GRK7: variants seen among roughly 807,000 people sequenced by gnomAD.
GRK7 encodes rhodopsin kinase GRK7.
Under a neutral mutation model 34.1 loss-of-function variants are expected in GRK7, and 24 were observed. The observed-to-expected ratio is 0.70, with a 90% CI of 0.51 to 0.99. The LOEUF (loss-of-function observed/expected upper bound fraction) is 0.99, where lower values mean the gene tolerates loss of function less well. Among genes scored for constraint, GRK7 ranks in the 50% least tolerant of loss-of-function variants. The pLI, the probability that GRK7 is intolerant of heterozygous loss-of-function variation, is 0.00. For synonymous variants in GRK7, 256 were observed against 279.4 expected (o/e 0.92, Z 0.84); for missense variants, 644 against 707.3 (o/e 0.91, Z 1.02).
At chr3:141,804,781 T>G (rs1381130727) in intron 4 of GRK7, among the ~76,000 whole-genome samples, 1 of 146,132 alleles carries the variant, frequency 6.8e-6, no homozygotes, top group Non-Finnish European at 1.5e-5. Context: ...ACACACATGC[T>G]CACATACACG....
intron 2 of GRK7, among the ~76,000 whole-genome samples, chr3:141,774,933 C>T (rs2084632498): frequency 6.6e-6 from 1 of 152,034 alleles, no homozygotes; most frequent in Non-Finnish European, 1.5e-5. Flanking sequence ...GCTGGGGCTA[C>T]AGGAGTCCGC....
At chr3:141,753,931 T>C in the GRK7 span, among the ~76,000 whole-genome samples, 13 of 152,226 alleles carry the variant, frequency 8.5e-5, no homozygotes, top group Non-Finnish European at 2.9e-5. Context: ...GTGGTGAAAG[T>C]GTTAAGCCCT....
chr3:141,760,252 A>C (rs2107867423), upstream of GRK7, among the ~76,000 whole-genome samples: 2 of 119,704 alleles, frequency 1.7e-5, 1 homozygote, highest in Non-Finnish European at 3.5e-5. Flanking sequence ...GTGGGCATTT[A>C]GTGCTATAAA....
intron 4 of GRK7, among the ~76,000 whole-genome samples, chr3:141,793,777 T>C (rs1360472443): frequency 6.6e-6 from 1 of 152,256 alleles, no homozygotes; most frequent in Non-Finnish European, 1.5e-5. Flanking sequence ...CAGGCATGGC[T>C]GCATAAATTT....
At chr3:141,763,018 C>T (rs2084563824), upstream of GRK7, among the ~76,000 whole-genome samples, 1 of 152,354 alleles carries the variant, frequency 6.6e-6, no homozygotes, top group South Asian at 2.1e-4. Flanking sequence ...TGGCCTGCGC[C>T]CACTGTCTGG....
chr3:141,773,474 A>G (rs1209594462), intron 1 of GRK7, among the ~76,000 whole-genome samples: 1 of 151,934 alleles, frequency 6.6e-6, no homozygotes, highest in Non-Finnish European at 1.5e-5. Context: ...CTAAATTTTG[A>G]TGATTGATGG....
Position 141,765,630 on chromosome 3 carries a change from G to C in GRK7, c.-323G>C, listed in dbSNP as rs1219857953. Among the ~76,000 whole-genome samples the C allele has an allele frequency of 1.3e-5, 2 of 152,022 alleles. No homozygotes were observed. Among genetic ancestry groups the C allele is most frequent in the South Asian group, 2.1e-4 (1 of 4,820 alleles). ...TGCTCTGAGGCCATCATGCTTTGAG[G>C]AAGCCCAGGAGGAAACACTGCAGAG... On this transcript the variant is annotated 5_prime_UTR_variant, in exon 1 of 6. Coordinates refer to ENST00000682958, the MANE Select transcript of GRK7 (RefSeq NM_139209.3).
intron 4 of GRK7, among the ~76,000 whole-genome samples, chr3:141,786,023 GAGAAGAAAAA>G (rs1184648661): frequency 6.6e-6 from 1 of 152,010 alleles, no homozygotes. Context: ...TGCATTCCAG[GAGAAGAAAAA>G]AGAGGAGAAA....
the GRK7 span, among the ~76,000 whole-genome samples, chr3:141,754,937 G>T: frequency 6.6e-6 from 1 of 151,922 alleles, no homozygotes; most frequent in Non-Finnish European, 1.5e-5. Flanking sequence ...CTTTTAAATG[G>T]ACATATCCTT....
chr3:141,812,733 C>T (rs6440036), intron 5 of GRK7, among the ~76,000 whole-genome samples: 151,022 of 152,338 alleles, frequency 0.99, 74,862 homozygotes, highest in Middle Eastern at 1. Context: ...GTGCTTGAGA[C>T]GCCATGTGAG....
the GRK7 span, among the ~76,000 whole-genome samples, chr3:141,750,888 T>C: frequency 6.6e-6 from 1 of 151,622 alleles, no homozygotes; most frequent in African/African-American, 2.4e-5. Context: ...AGAAAACTGC[T>C]CAAGGGAGTG....
intron 4 of GRK7, among the ~76,000 whole-genome samples, chr3:141,785,144 C>G (rs2084689408): frequency 2.0e-5 from 3 of 152,102 alleles, no homozygotes; most frequent in Admixed American, 1.3e-4. Flanking sequence ...GAAAAATCAC[C>G]CTGATGATGG....
chr3:141,779,005 C>T lies in GRK7; in HGVS notation c.612+109C>T, dbSNP rs978183114. 11 of 1,073,500 alleles carry T rather than the reference C, an allele frequency of 1.0e-5. No individual in the cohort carries two copies. In the African/African-American group the frequency reaches 1.7e-4, roughly 17 times the overall value. 66.5% of individuals were successfully genotyped at this position (1,073,500 alleles called of 1,614,324 possible). A position where few individuals can be genotyped will look rare whatever the true frequency, so the allele number is the denominator to read the frequency against. The stretch of plus-strand genomic sequence containing the variant: ...AGTTACTTAGAACTAATTTCAGCAC[C>T]ATATGTGGAGGATTTCTAGCCCCGT... On this transcript the variant is annotated intron_variant, in intron 3 of 5. Transcript: ENST00000682958.
intron 2 of GRK7, among the ~76,000 whole-genome samples, chr3:141,777,114 C>G (rs2084643378): frequency 1.3e-5 from 2 of 152,092 alleles, no homozygotes; most frequent in African/African-American, 4.8e-5. Flanking sequence ...GCGAAGGCTC[C>G]TTGGCATTCA....
chr3:141,799,611 A>G (rs921973951), intron 4 of GRK7, among the ~76,000 whole-genome samples: 16 of 125,278 alleles, frequency 1.3e-4, no homozygotes, highest in Non-Finnish European at 2.7e-4. Flanking sequence ...GGCTCGGTCT[A>G]AAAAAAAAAA....
chr3:141,806,570 T>A lies in GRK7; in HGVS notation c.1051-1075T>A, dbSNP rs1365177978. On this transcript the variant is annotated intron_variant, in intron 4 of 5. Transcript: ENST00000682958. ...ACAACGATACTCCATCTCAAAAATA[T>A]ATATATATATATACACACACACATA... Among the ~76,000 whole-genome samples, 9 of 151,862 alleles carry A rather than the reference T, an allele frequency of 5.9e-5. No individual in the cohort carries two copies. In the East Asian group the frequency reaches 1.7e-3, roughly 29 times the overall value.
chr3:141,768,156 C>A (rs2084598679), intron 1 of GRK7, among the ~76,000 whole-genome samples: 1 of 152,114 alleles, frequency 6.6e-6, no homozygotes, highest in African/African-American at 2.4e-5. Flanking sequence ...CACACATAGA[C>A]CCCTTGCAAC....
the GRK7 span, among the ~76,000 whole-genome samples, chr3:141,750,956 G>T: frequency 6.6e-6 from 1 of 152,118 alleles, no homozygotes; most frequent in Non-Finnish European, 1.5e-5. Context: ...AGGATTGCTT[G>T]AGGCCAGGAG....
rs949073565 is a variant in GRK7 at position 141,778,064 on chromosome 3, G to A, written c.-113-108G>A. The A allele has an allele frequency of 3.8e-6, 2 of 529,486 alleles. No homozygotes were observed. Among genetic ancestry groups the A allele is most frequent in the Non-Finnish European group, 6.4e-6 (2 of 311,486 alleles). 32.8% of individuals were successfully genotyped at this position (529,486 alleles called of 1,614,324 possible). A position where few individuals can be genotyped will look rare whatever the true frequency, so the allele number is the denominator to read the frequency against. On this transcript the variant is annotated intron_variant, in intron 2 of 5. Transcript: ENST00000682958. This position sits in a 1 kb window ranked among gnomAD's most constrained non-coding sequence, Gnocchi z 4.1. Reference sequence around the variant, plus strand: ...TGTCCCAGCAGCTTTCGCCTTGGCAGGTGGGAGCATGACCTATCGTGTGCA... The same window carrying A: ...TGTCCCAGCAGCTTTCGCCTTGGCAAGTGGGAGCATGACCTATCGTGTGCA...
Sources: allele counts gnomAD v4.1 joint callset (sites outside exome capture counted in the v4.1 genomes callset), GRCh38; gene constraint gnomAD v4.1.1; non-coding constraint Gnocchi (gnomAD v3.1); transcripts MANE v1.5; gene names NCBI Gene and HGNC (gene_info 2026-07-23, HGNC 2026-07-21).